The following CDH4 variants were observed in gnomAD, a reference collection of about 807,000 sequenced individuals.
CDH4 encodes cadherin-4.
CDH4 carries 33 observed loss-of-function variants against 86.0 expected under a neutral mutation model. The ratio of observed to expected loss-of-function variants is 0.38; its 90% CI spans 0.29 to 0.51. The LOEUF (loss-of-function observed/expected upper bound fraction) is 0.51, where lower values mean the gene tolerates loss of function less well. Among genes scored for constraint, CDH4 ranks in the 20% least tolerant of loss-of-function variants. The probability of loss-of-function intolerance (pLI) is 0.86; values close to 1 mark genes in which losing one functional copy is unlikely to be tolerated. For synonymous variants in CDH4, 555 were observed against 549.4 expected (o/e 1.01, Z -0.14); for missense variants, 1,114 against 1,307.4 (o/e 0.85, Z 2.28).
chr20:61,364,351 AG>A (rs142262472), intron 2 of CDH4, among the ~76,000 whole-genome samples: 5,650 of 152,254 alleles, frequency 0.037, 351 homozygotes, highest in African/African-American at 0.13. Flanking sequence ...GCAACACCGC[AG>A]GGCTATCCCT....
chr20:61,494,174 G>A (rs1418848131), intron 2 of CDH4, among the ~76,000 whole-genome samples: 2 of 152,312 alleles, frequency 1.3e-5, no homozygotes, highest in Non-Finnish European at 2.9e-5. Flanking sequence ...CTGGGTCCCA[G>A]GTTCTGACTT....
intron 2 of CDH4, among the ~76,000 whole-genome samples, chr20:61,643,783 C>G (rs1329296467): frequency 6.6e-6 from 1 of 152,248 alleles, no homozygotes; most frequent in Non-Finnish European, 1.5e-5. Context: ...TGTTCTTTAA[C>G]TTTGGACCCG....
chr20:61,277,545 C>T (rs2084237538), intron 2 of CDH4, among the ~76,000 whole-genome samples: 1 of 151,966 alleles, frequency 6.6e-6, no homozygotes, highest in African/African-American at 2.4e-5. Context: ...GAGGGGGTGG[C>T]AGTGGTGGAA....
rs558900962 is a variant in CDH4, at chr20:61,386,007, C to T, written c.169+131070C>T. ...CCACAGTTGTCCTAGCGCCTGGGGA[C>T]GCTCATGGATGTTTCTCCCGTGGCT... On this transcript the variant is annotated intron_variant, in intron 2 of 15. Coordinates refer to ENST00000614565, the MANE Select transcript of CDH4 (RefSeq NM_001794.5). Among the ~76,000 whole-genome samples the T allele has an allele frequency of 2.0e-4, 31 of 152,260 alleles. No homozygotes were observed. The East Asian group carries it at 2.1e-3, about 10-fold the overall frequency.
intron 2 of CDH4, among the ~76,000 whole-genome samples, chr20:61,268,994 A>G (rs1219794672): frequency 6.6e-6 from 1 of 152,160 alleles, no homozygotes; most frequent in Non-Finnish European, 1.5e-5. Context: ...TGCAAATGTG[A>G]TGAGGAGTGT....
intron 2 of CDH4, among the ~76,000 whole-genome samples, chr20:61,540,709 T>C (rs1193142192): frequency 6.6e-6 from 1 of 152,242 alleles, no homozygotes; most frequent in East Asian, 1.9e-4. Flanking sequence ...GATCTGACTT[T>C]AGGATGAAGT....
intron 2 of CDH4, among the ~76,000 whole-genome samples, chr20:61,555,219 G>T (rs187176901): frequency 2.0e-4 from 31 of 152,318 alleles, no homozygotes; most frequent in African/African-American, 6.7e-4. Context: ...TGAGAACCAG[G>T]CAGCCTCCTT....
intron 2 of CDH4, among the ~76,000 whole-genome samples, chr20:61,429,294 A>C (rs1256003763): frequency 1.3e-5 from 2 of 152,204 alleles, no homozygotes; most frequent in Non-Finnish European, 2.9e-5. Context: ...AAATCCATGC[A>C]GCTGGTGAAA....
At chr20:61,894,517 T>C (rs1300965287) in intron 7 of CDH4, among the ~76,000 whole-genome samples, 1 of 152,176 alleles carries the variant, frequency 6.6e-6, no homozygotes, top group African/African-American at 2.4e-5. Flanking sequence ...GACCCGCGTC[T>C]GTGGGGCATC....
At chr20:61,611,076 T>A (rs1044594393) in intron 2 of CDH4, among the ~76,000 whole-genome samples, 1 of 151,970 alleles carries the variant, frequency 6.6e-6, no homozygotes, top group African/African-American at 2.4e-5. Context: ...CCTCAGGCTC[T>A]TCGGTGGGGT....
At chr20:61,587,507 C>T (rs866374852) in intron 2 of CDH4, among the ~76,000 whole-genome samples, 8 of 152,138 alleles carry the variant, frequency 5.3e-5, no homozygotes, top group Admixed American at 2.0e-4. Flanking sequence ...TGGGTCATCC[C>T]GTCGGAAACT....
chr20:61,745,100 A>G (rs1465395490), intron 3 of CDH4, among the ~76,000 whole-genome samples: 2 of 152,222 alleles, frequency 1.3e-5, no homozygotes, highest in African/African-American at 4.8e-5. Context: ...ACGGTGAGCA[A>G]AGGAAATCAC....
At chr20:61,556,898 A>T (rs780364809) in intron 2 of CDH4, among the ~76,000 whole-genome samples, 3 of 151,722 alleles carry the variant, frequency 2.0e-5, no homozygotes, top group Non-Finnish European at 2.9e-5. Flanking sequence ...AGGCGCCGCC[A>T]TCCTCACACC....
At chr20:61,274,928 A>ACAGTTTGGAGGAGTACCATGTG (rs1568777317) in intron 2 of CDH4, among the ~76,000 whole-genome samples, 3 of 105,646 alleles carry the variant, frequency 2.8e-5, no homozygotes, top group Non-Finnish European at 5.7e-5. Flanking sequence ...AGTACTGTGC[A>ACAGTTTGGAGGAGTACCATGTG]CAGTTTGGAG....
At chr20:61,802,640 A>C (rs892442322) in intron 4 of CDH4, among the ~76,000 whole-genome samples, 1 of 152,154 alleles carries the variant, frequency 6.6e-6, no homozygotes, top group Non-Finnish European at 1.5e-5. Context: ...CAAATCAGCC[A>C]TTTTCACTGC....
intron 2 of CDH4, among the ~76,000 whole-genome samples, chr20:61,466,266 C>T (rs1243290501): frequency 6.6e-6 from 1 of 152,162 alleles, no homozygotes; most frequent in Non-Finnish European, 1.5e-5. Context: ...AGCTTCTCTC[C>T]AGATGTTTGA....
rs1555828911 is a variant in CDH4, at chr20:61,714,021, T to TTTTATTTTA, written c.170-29539_170-29538insATTTTATTT. The stretch of plus-strand genomic sequence containing the variant: ...CTGTCTTAGTCCATTGTCTATTCTT[T>TTTTATTTTA]TTTTATTTTATTTTATTTTATTTTA... On this transcript the variant is annotated intron_variant, in intron 2 of 15. Transcript: ENST00000614565. Among the ~76,000 whole-genome samples the TTTTATTTTA allele has an allele frequency of 1.0e-3, 140 of 135,970 alleles. 1 individual carries two copies. The highest frequency in any genetic ancestry group is 4.0e-3 in the African/African-American group (136 of 33,772). 89.2% of individuals were successfully genotyped at this position (135,970 alleles called of 152,430 possible). A position where few individuals can be genotyped will look rare whatever the true frequency, so the allele number is the denominator to read the frequency against.
At chr20:61,288,427 G>A (rs971793230) in intron 2 of CDH4, among the ~76,000 whole-genome samples, 1 of 152,238 alleles carries the variant, frequency 6.6e-6, no homozygotes, top group Non-Finnish European at 1.5e-5. Context: ...ACTTAGGCCA[G>A]TCTTATGGAT....
At chr20:61,702,277 T>C (rs537805823) in intron 2 of CDH4, among the ~76,000 whole-genome samples, 1 of 152,178 alleles carries the variant, frequency 6.6e-6, no homozygotes, top group Non-Finnish European at 1.5e-5. Context: ...GACGGCAAAA[T>C]AAGACTGGCT....
Sources: gnomAD v4.1 joint callset for allele counts (sites outside exome capture counted in the v4.1 genomes callset) on GRCh38, gnomAD v4.1.1 for gene constraint, MANE v1.5 for transcripts, NCBI Gene and HGNC (gene_info 2026-07-23, HGNC 2026-07-21) for gene names.